The following PACRG variants were observed in gnomAD, a reference collection of about 807,000 sequenced individuals.
PACRG encodes the protein parkin coregulated.
Under a neutral mutation model 29.7 loss-of-function variants are expected in PACRG, and 29 were observed. The observed-to-expected ratio is 0.98, with a 90% confidence interval of 0.73 to 1.33. The LOEUF is 1.33. Ranked by LOEUF, PACRG falls within the 40% of genes most tolerant of loss-of-function variation. The pLI, the probability that PACRG is intolerant of heterozygous loss-of-function variation, is 0.00. For missense variants in PACRG, 279 were observed against 316.2 expected, an observed-to-expected ratio of 0.88 and a Z score of 0.89; for synonymous variants, 116 against 118.7, an observed-to-expected ratio of 0.98 and a Z score of 0.15.
At chr6:162,967,931 A>C (rs866852590) in intron 2 of PACRG, among the ~76,000 whole-genome samples, 6 of 152,210 alleles carry the variant, frequency 3.9e-5, no homozygotes, top group Admixed American at 3.9e-4. Flanking sequence ...TGAAAGCTAA[A>C]TCATTGTTTA....
chr6:162,762,165 C>T (rs1392435036), intron 1 of PACRG, among the ~76,000 whole-genome samples: 4 of 151,996 alleles, frequency 2.6e-5, no homozygotes, highest in Non-Finnish European at 4.4e-5. Context: ...AGGCATTGTC[C>T]GTGTGGCACT....
chr6:162,926,331 G>A (rs1310299551), intron 2 of PACRG, among the ~76,000 whole-genome samples: 2 of 151,530 alleles, frequency 1.3e-5, no homozygotes, highest in Non-Finnish European at 3.0e-5. Context: ...GGAAACAAGA[G>A]CCCATATATC....
At chr6:163,152,398 T>G (rs908313515) in intron 4 of PACRG, among the ~76,000 whole-genome samples, 3 of 152,220 alleles carry the variant, frequency 2.0e-5, no homozygotes, top group Non-Finnish European at 4.4e-5. Context: ...TTTGTTCTAA[T>G]GTAACATAAA....
At chr6:162,975,739 T>G (rs988218800) in intron 2 of PACRG, among the ~76,000 whole-genome samples, 1 of 151,602 alleles carries the variant, frequency 6.6e-6, no homozygotes, top group Admixed American at 6.6e-5. Flanking sequence ...AGAAAAAAAT[T>G]CAAATAAAAT....
At chr6:162,799,302 A>G (rs1302356464) in intron 1 of PACRG, among the ~76,000 whole-genome samples, 1 of 152,242 alleles carries the variant, frequency 6.6e-6, no homozygotes, top group Non-Finnish European at 1.5e-5. Context: ...TTTAGGGCAG[A>G]CAACATGCTG....
chr6:163,151,609 T>C (rs940691000), intron 4 of PACRG, among the ~76,000 whole-genome samples: 2 of 152,230 alleles, frequency 1.3e-5, no homozygotes, highest in African/African-American at 4.8e-5. Flanking sequence ...GCAAAATCCA[T>C]GGTTTGCTTA....
At chr6:162,928,542 T>C (rs1037646240) in intron 2 of PACRG, among the ~76,000 whole-genome samples, 1 of 152,066 alleles carries the variant, frequency 6.6e-6, no homozygotes, top group Non-Finnish European at 1.5e-5. Context: ...TACATTCATG[T>C]AATTTGTAAA....
At chr6:162,856,860 T>TC (rs939354752) in intron 2 of PACRG, among the ~76,000 whole-genome samples, 2 of 152,150 alleles carry the variant, frequency 1.3e-5, no homozygotes, top group African/African-American at 4.8e-5. Flanking sequence ...ATTTTGTTTT[T>TC]CCCATTTTTG....
chr6:162,895,562 C>A (rs917808858), intron 2 of PACRG, among the ~76,000 whole-genome samples: 2 of 152,214 alleles, frequency 1.3e-5, no homozygotes, highest in Non-Finnish European at 2.9e-5. Context: ...ATACCTTCTT[C>A]ACCCAGCCCG....
At chr6:162,910,988 T>C (rs1341453950) in intron 2 of PACRG, among the ~76,000 whole-genome samples, 3 of 152,184 alleles carry the variant, frequency 2.0e-5, no homozygotes, top group African/African-American at 7.2e-5. Flanking sequence ...AAGTAGACTT[T>C]GTATTAAAGG....
intron 4 of PACRG, among the ~76,000 whole-genome samples, chr6:163,118,077 TA>T (rs1200530111): frequency 1.3e-5 from 2 of 152,346 alleles, no homozygotes; most frequent in East Asian, 3.9e-4. Flanking sequence ...TGGCATTATA[TA>T]TATAGTCTCT....
At chr6:162,864,649 A>G (rs1300607442) in intron 2 of PACRG, among the ~76,000 whole-genome samples, 4 of 152,176 alleles carry the variant, frequency 2.6e-5, no homozygotes, top group African/African-American at 4.8e-5. Context: ...AGTGTTGTAT[A>G]TATATTTTAG....
intron 2 of PACRG, among the ~76,000 whole-genome samples, chr6:162,877,524 T>C (rs1282796051): frequency 6.6e-6 from 1 of 151,532 alleles, no homozygotes; most frequent in Non-Finnish European, 1.5e-5. Flanking sequence ...CCATGACACA[T>C]GTATACCTAT....
At chr6:163,204,559 T>C (rs1290154485) in intron 4 of PACRG, among the ~76,000 whole-genome samples, 1 of 152,072 alleles carries the variant, frequency 6.6e-6, no homozygotes, top group African/African-American at 2.4e-5. Context: ...CTGTAATGCA[T>C]GAAAGATCTA....
At chr6:163,197,419 ATTTTC>A (rs1193351283) in intron 4 of PACRG, among the ~76,000 whole-genome samples, 2 of 111,948 alleles carry the variant, frequency 1.8e-5, no homozygotes, top group South Asian at 2.9e-4. Flanking sequence ...ACTGGTGGCT[ATTTTC>A]TTTTCTTTTC....
chr6:163,293,863 A>G (rs1784696729), intron 4 of PACRG, among the ~76,000 whole-genome samples: 1 of 152,200 alleles, frequency 6.6e-6, no homozygotes, highest in South Asian at 2.1e-4. Context: ...ATATAAAAAA[A>G]AACTGTGAAA....
intron 4 of PACRG, among the ~76,000 whole-genome samples, chr6:163,194,824 C>G (rs1448780206): frequency 6.6e-6 from 1 of 152,088 alleles, no homozygotes; most frequent in Non-Finnish European, 1.5e-5. Context: ...GCAATGCCCC[C>G]CAACCCCACG....
At chr6:162,883,582 T>A (rs953527200) in intron 2 of PACRG, among the ~76,000 whole-genome samples, 1 of 152,166 alleles carries the variant, frequency 6.6e-6, no homozygotes, top group African/African-American at 2.4e-5. Context: ...TATCGGTTTT[T>A]AAAATATTTT....
chr6:162,907,145 C>A (rs1343486536), intron 2 of PACRG, among the ~76,000 whole-genome samples: 1 of 152,078 alleles, frequency 6.6e-6, no homozygotes, highest in Non-Finnish European at 1.5e-5. Flanking sequence ...GAATGATTTG[C>A]ATGTATCAGA....
Sources: gnomAD v4.1 joint callset for allele counts (sites outside exome capture counted in the v4.1 genomes callset) on GRCh38, gnomAD v4.1.1 for gene constraint, MANE v1.5 for transcripts, NCBI Gene and HGNC (gene_info 2026-07-23, HGNC 2026-07-21) for gene names.